ARID1B: variants seen among roughly 807,000 people sequenced by gnomAD.
The protein encoded by ARID1B is AT-rich interactive domain-containing protein 1B.
In ARID1B, 30 loss-of-function variants were observed where a neutral mutation model predicts 212.3. The observed-to-expected ratio is 0.14, with a 90% CI of 0.11 to 0.19. The LOEUF is 0.19. ARID1B is among the 10% of genes least tolerant of loss of function. ARID1B has a pLI of 1.00. For synonymous variants in ARID1B, 1,402 were observed against 1,301.7 expected, an observed-to-expected ratio of 1.08 and a Z score of -1.66; for missense variants, 2,891 against 3,204.0, an observed-to-expected ratio of 0.90 and a Z score of 2.36.
At chr6:156,939,792 C>A (rs886397334) in intron 4 of ARID1B, 3 of 150,756 alleles carry the variant, frequency 2.0e-5, no homozygotes, top group African/African-American at 4.9e-5. Flanking sequence ...GATAATTAAG[C>A]TAAAAATACC....
At chr6:156,903,067 G>A (rs970311097) in intron 3 of ARID1B, among the ~76,000 whole-genome samples, 3 of 152,034 alleles carry the variant, frequency 2.0e-5, no homozygotes, top group Non-Finnish European at 4.4e-5. Flanking sequence ...TCATAAAACC[G>A]ATTTGATTAA....
Position 156,779,332 on chromosome 6 carries a change from A to G in ARID1B, c.1652A>G (p.Gln551Arg), listed in dbSNP as rs1779010461. Residue 551 changes from glutamine (Q) to arginine (R), a missense_variant, in exon 1 of 20, where the codon CAG becomes CGG. Physicochemically the swap from Gln to Arg is conservative, Grantham distance 43. Coordinates refer to ENST00000636930, the MANE Select transcript of ARID1B (RefSeq NM_001374828.1). ...GCGGGGGCGGCGGCGGGCGGCCAGCAGGCGGCCGCGGGCATGGGCTTGGGC... is the reference window on the plus strand; with the variant it reads ...GCGGGGGCGGCGGCGGGCGGCCAGCGGGCGGCCGCGGGCATGGGCTTGGGC... ...AAAGAAAGGQ[Q>R]AAAGMGLGKD... The G allele has an allele frequency of 8.7e-7, 1 of 1,143,462 alleles. No homozygotes were observed. The highest frequency in any genetic ancestry group is 1.1e-6 in the Non-Finnish European group (1 of 933,500). The allele number at this position is 1,143,462 out of a possible 1,614,324, so 70.8% of individuals were successfully genotyped here. A position where few individuals can be genotyped will look rare whatever the true frequency, so the allele number is the denominator to read the frequency against.
intron 2 of ARID1B, among the ~76,000 whole-genome samples, chr6:156,871,147 A>G (rs1336475994): frequency 6.6e-6 from 1 of 152,212 alleles, no homozygotes; most frequent in Non-Finnish European, 1.5e-5. Flanking sequence ...CCTTTCTTGT[A>G]CAGCCTATCT....
In ARID1B at chr6:156,955,870, C is replaced by T. The variant is rs1237329767; in HGVS notation, c.2247+20294C>T. Among the ~76,000 whole-genome samples the T allele has an allele frequency of 6.6e-6, 1 of 152,090 alleles. No homozygotes were observed. The highest frequency in any genetic ancestry group is 2.4e-5 in the African/African-American group (1 of 41,402). On this transcript the variant is annotated intron_variant, in intron 4 of 19. Transcript: ENST00000636930. The surrounding 1 kb of genome is among the most constrained non-coding windows in gnomAD (Gnocchi z 4.2). ...GAGGAGGGCTGTTGGTCTCAGAAAC[C>T]CTATCCTGTTAGGAAGGTTACTGGA...
intron 4 of ARID1B, among the ~76,000 whole-genome samples, chr6:156,966,217 C>T (rs1794728540): frequency 6.6e-6 from 1 of 152,074 alleles, no homozygotes. Flanking sequence ...TATAAGTGTG[C>T]AGATAATACT....
Position 156,914,392 on chromosome 6 carries a change from C to T in ARID1B, c.2136+12867C>T, listed in dbSNP as rs998881808. Reference sequence around the variant, plus strand: ...TGTCATTAGGATTCCATGCAGCTGACGGTATCTTCCTCCTCGGAGCACCTG... The same window carrying T: ...TGTCATTAGGATTCCATGCAGCTGATGGTATCTTCCTCCTCGGAGCACCTG... On this transcript the variant is annotated intron_variant, in intron 3 of 19. Transcript: ENST00000636930. Among the ~76,000 whole-genome samples the T allele has an allele frequency of 4.6e-5, 7 of 152,214 alleles. 1 individual carries two copies. The highest frequency in any genetic ancestry group is 3.9e-4 in the East Asian group (2 of 5,192).
chr6:156,778,232 C>A lies in ARID1B; in HGVS notation c.552C>A (p.His184Gln). 1 of 1,540,926 alleles carries A rather than the reference C, an allele frequency of 6.5e-7. No homozygotes were observed. The change falls in exon 1 of 20, where the codon CAC (histidine) becomes CAA (glutamine). Residue 184 changes from histidine to glutamine, a missense_variant. His to Gln is a conservative substitution (Grantham distance 24). Transcript: ENST00000636930. ...ACCACCACCATGCCCACCACCTCCA[C>A]CACCACCACGCACTACAGCAGCAGC... ...HHHHHHAHHL[H>Q]HHHALQQQLN...
At chr6:156,981,028 A>G in intron 4 of ARID1B, among the ~76,000 whole-genome samples, 1 of 152,230 alleles carries the variant, frequency 6.6e-6, no homozygotes, top group East Asian at 1.9e-4. Flanking sequence ...AAGTGAAGCC[A>G]CTGTTTTTGT....
chr6:157,126,608 A>C (rs1788151868), intron 6 of ARID1B, among the ~76,000 whole-genome samples: 1 of 152,146 alleles, frequency 6.6e-6, no homozygotes. Flanking sequence ...GTTACGGATG[A>C]ATATATTAAT....
chr6:157,039,822 CTCTT>C (rs1398390129), intron 4 of ARID1B, among the ~76,000 whole-genome samples: 3 of 111,364 alleles, frequency 2.7e-5, no homozygotes, highest in Non-Finnish European at 5.2e-5. Context: ...TTCTTTTTCT[CTCTT>C]TCTCTCTTTC....
At chr6:157,033,223 C>T (rs1781122384) in intron 4 of ARID1B, among the ~76,000 whole-genome samples, 1 of 152,082 alleles carries the variant, frequency 6.6e-6, no homozygotes, top group Admixed American at 6.5e-5. Context: ...ATTACCCAAA[C>T]CTGTGTATAT....
intron 4 of ARID1B, among the ~76,000 whole-genome samples, chr6:157,067,209 A>C (rs1783722631): frequency 6.6e-6 from 1 of 152,270 alleles, no homozygotes; most frequent in Non-Finnish European, 1.5e-5. Flanking sequence ...GAGCTAAGTC[A>C]AGTGTTTAAG....
chr6:157,143,751 A>G (rs1789535678), intron 7 of ARID1B, among the ~76,000 whole-genome samples: 1 of 152,228 alleles, frequency 6.6e-6, no homozygotes, highest in Non-Finnish European at 1.5e-5. Context: ...TTAAGCCTTT[A>G]GAAACTATTT....
intron 2 of ARID1B, among the ~76,000 whole-genome samples, chr6:156,893,675 G>C (rs1295998885): frequency 2.0e-5 from 3 of 152,052 alleles, no homozygotes; most frequent in African/African-American, 7.2e-5. Context: ...CACATGAAAA[G>C]GTACTCAACA....
At chr6:156,925,730 G>C (rs77245897) in intron 3 of ARID1B, among the ~76,000 whole-genome samples, 1 of 152,090 alleles carries the variant, frequency 6.6e-6, no homozygotes, top group Non-Finnish European at 1.5e-5. Context: ...TAAACTAAAA[G>C]ATTTTTGGAG....
intron 7 of ARID1B, among the ~76,000 whole-genome samples, chr6:157,143,439 G>A (rs1048180338): frequency 6.7e-6 from 1 of 150,228 alleles, no homozygotes; most frequent in African/African-American, 2.5e-5. Flanking sequence ...CGAGTAGTTG[G>A]GGGGGGCATG....
At chr6:156,984,083 T>C (rs1005137882) in intron 4 of ARID1B, among the ~76,000 whole-genome samples, 1 of 152,060 alleles carries the variant, frequency 6.6e-6, no homozygotes, top group African/African-American at 2.4e-5. Context: ...AAGGGTGGGG[T>C]TCTGGCTGGG....
At chr6:157,063,469 G>A (rs1291264808) in intron 4 of ARID1B, among the ~76,000 whole-genome samples, 2 of 152,060 alleles carry the variant, frequency 1.3e-5, no homozygotes, top group Non-Finnish European at 2.9e-5. Context: ...TTATCATTAG[G>A]GGCCCTTTCC....
At chr6:156,979,113 A>G (rs144891564) in intron 4 of ARID1B, among the ~76,000 whole-genome samples, 21 of 152,274 alleles carry the variant, frequency 1.4e-4, no homozygotes, top group African/African-American at 4.3e-4. Flanking sequence ...TGATTTAAGA[A>G]CTTTTCTGTT....
Sources: gnomAD v4.1 joint callset for allele counts (sites outside exome capture counted in the v4.1 genomes callset) on GRCh38, gnomAD v4.1.1 for gene constraint, Gnocchi (gnomAD v3.1) non-coding constraint, MANE v1.5 for transcripts, NCBI Gene and HGNC (gene_info 2026-07-23, HGNC 2026-07-21) for gene names.